BEND2: variants seen among roughly 807,000 people sequenced by gnomAD.
BEND2 encodes BEN domain containing 2.
A neutral mutation model predicts 43.8 loss-of-function variants in BEND2; 19 were observed. That is an observed-to-expected ratio of 0.43 (90% CI 0.30 to 0.64). BEND2 has a LOEUF of 0.64. Ranked by LOEUF, BEND2 falls within the 30% of genes least tolerant of loss-of-function variation. BEND2 has a pLI of 0.11. For missense variants in BEND2, 544 were observed against 574.0 expected (o/e 0.95, Z 0.53); for synonymous variants, 226 against 210.1 (o/e 1.08, Z -0.66).
intron 8 of BEND2, among the ~76,000 whole-genome samples, chrX:18,183,042 CAAAAAAAA>C (rs56812732): frequency 2.5e-5 from 1 of 40,789 alleles, no homozygotes; most frequent in African/African-American, 1.1e-4. Flanking sequence ...ACTCTGTCTC[CAAAAAAAA>C]AAAAAAAAAA....
chrX:18,220,207 G>T (rs1275690323), intron 1 of BEND2, among the ~76,000 whole-genome samples: 1 of 112,290 alleles, frequency 8.9e-6, no homozygotes, highest in Middle Eastern at 4.2e-3. Flanking sequence ...ATGCCAAAAC[G>T]CTGAACAGGG....
At chrX:18,200,051 A>C (rs769806332) in intron 6 of BEND2, among the ~76,000 whole-genome samples, 37 of 111,985 alleles carry the variant, frequency 3.3e-4, no homozygotes, top group Admixed American at 5.7e-4. Flanking sequence ...AGAGAAATGA[A>C]AACTTATATT....
rs755321017 is a variant in BEND2 at position 18,176,029 on chromosome X, A to G, written c.1695T>C (p.Cys565=). The G allele has an allele frequency of 2.5e-6, 3 of 1,199,437 alleles. No individual in the cohort carries two copies. Among genetic ancestry groups the G allele is most frequent in the East Asian group, 3.0e-5 (1 of 33,415 alleles). ...AGATCATAGAATTGATACCAGAAAT[A>G]CAGTCCTGCCAGTCTTTTCCATGTT... ...LHEHGKDWQD[C]ISGINSMIYC... Residue 565 remains cysteine (C), a synonymous_variant, in exon 11 of 14, where the codon TGT becomes TGC. Transcript: ENST00000380033.
chrX:18,218,610 C>T (rs1025016929), intron 1 of BEND2, among the ~76,000 whole-genome samples: 3 of 112,706 alleles, frequency 2.7e-5, no homozygotes, highest in Non-Finnish European at 5.6e-5. Context: ...CACTCGTAAT[C>T]CCCGCACTTT....
At chrX:18,207,808 CA>C (rs1569126602) in intron 4 of BEND2, among the ~76,000 whole-genome samples, 1 of 111,054 alleles carries the variant, frequency 9.0e-6, no homozygotes, top group East Asian at 2.9e-4. Context: ...CACCTGAGGT[CA>C]GGAGTTCGAG....
intron 9 of BEND2, among the ~76,000 whole-genome samples, chrX:18,178,590 G>C (rs1048685094): frequency 1.8e-5 from 2 of 110,112 alleles, no homozygotes; most frequent in African/African-American, 6.6e-5. Flanking sequence ...TATATTTTGA[G>C]CATTTCTCTG....
At chrX:18,219,778 C>T (rs1015711106) in intron 1 of BEND2, among the ~76,000 whole-genome samples, 9 of 111,397 alleles carry the variant, frequency 8.1e-5, no homozygotes, top group Non-Finnish European at 1.5e-4. Flanking sequence ...TGGTGGTGCA[C>T]GCCTGTAGTC....
At position 18,191,720 on chromosome X, in the gene BEND2, G is replaced by A. The variant is rs182076721; in HGVS notation, c.1181-612C>T. ...AAAAGAAGGAACCATTTGGGGGCTT[G>A]CCTGTGGTAGAGGATACATGAACCT... On this transcript the variant is annotated intron_variant, in intron 7 of 13. Coordinates refer to ENST00000380033, the MANE Select transcript of BEND2 (RefSeq NM_153346.5). 2.1e-3 allele frequency among the ~76,000 whole-genome samples: 235 copies of A among 112,035 alleles called. 1 individual carries two copies. The highest frequency in any genetic ancestry group is 7.1e-3 in the African/African-American group (221 of 30,933).
At chrX:18,207,963 G>T (rs1284095029) in intron 4 of BEND2, among the ~76,000 whole-genome samples, 3 of 109,082 alleles carry the variant, frequency 2.8e-5, no homozygotes, top group African/African-American at 1.0e-4. Context: ...AGGTTGCAGT[G>T]AGCTGAGATC....
At position 18,191,101 on chromosome X, in the gene BEND2, G is replaced by A; in HGVS notation, c.1188C>T (p.Gly396=). 1 of 1,195,734 alleles carries A rather than the reference G, an allele frequency of 8.4e-7. No individual in the cohort carries two copies. Among genetic ancestry groups the A allele is most frequent in the Non-Finnish European group, 1.1e-6 (1 of 885,411 alleles). ...YLPITSNFES[G]PQMSYGTMSY... The stretch of plus-strand genomic sequence containing the variant: ...TCATTGTCCCATAACTCATTTGTGG[G>A]CCAGATTCTGTTTTGAACAACATTT... The change falls in exon 8 of 14, where the codon GGC becomes GGT. Residue 396 remains glycine (G), a synonymous_variant. Coordinates refer to ENST00000380033, the MANE Select transcript of BEND2 (RefSeq NM_153346.5).
intron 9 of BEND2, among the ~76,000 whole-genome samples, chrX:18,178,323 T>C (rs1302694261): frequency 1.8e-5 from 2 of 111,485 alleles, no homozygotes; most frequent in Non-Finnish European, 3.8e-5. Flanking sequence ...AACAACTCTA[T>C]CATTACTCCC....
In BEND2 at chrX:18,163,874, T is replaced by C. The variant is rs1923755563; in HGVS notation, c.*1135A>G. On this transcript the variant is annotated 3_prime_UTR_variant, in exon 14 of 14. Transcript: ENST00000380033. Reference sequence around the variant, plus strand: ...GATTACTATTCTGTATTAGCTCTGTTACTAGTAGTTGTAAAAAACTTGTGA... The same window carrying C: ...GATTACTATTCTGTATTAGCTCTGTCACTAGTAGTTGTAAAAAACTTGTGA... 8.9e-6 allele frequency: 1 copy of C among 112,448 alleles called. No homozygotes were observed. The highest frequency in any genetic ancestry group is 3.7e-4 in the South Asian group (1 of 2,732). The allele number at this position is 112,448 out of a possible 1,213,427, so 9.3% of individuals were successfully genotyped here.
intron 4 of BEND2, among the ~76,000 whole-genome samples, chrX:18,209,541 T>G (rs1300361785): frequency 1.8e-5 from 2 of 111,980 alleles, no homozygotes; most frequent in African/African-American, 6.5e-5. Flanking sequence ...TCCCCCAATA[T>G]GATTCAATGA....
intron 8 of BEND2, among the ~76,000 whole-genome samples, chrX:18,185,324 T>C (rs1602035631): frequency 9.4e-6 from 1 of 106,072 alleles, no homozygotes; most frequent in African/African-American, 3.4e-5. Context: ...AGCTCAGGAG[T>C]TCAAGACCAG....
Position 18,220,761 on chromosome X carries a change from C to T in BEND2, c.-11G>A, listed in dbSNP as rs1410425055. On this transcript the variant is annotated 5_prime_UTR_variant, in exon 1 of 14. Transcript: ENST00000380033. ...GGTCCTCTCTGACATCGTGAGATGG[C>T]GGGGTCTGGCTCTGAGGCCCGAGAC... 8.3e-7 allele frequency: 1 copy of T among 1,205,484 alleles called. No homozygotes were observed. The highest frequency in any genetic ancestry group is 1.8e-5 in the African/African-American group (1 of 57,071).
chrX:18,191,097 G>A lies in BEND2; in HGVS notation c.1192C>T (p.Gln398Ter), dbSNP rs1383197989. 2 of 1,198,418 alleles carry A rather than the reference G, an allele frequency of 1.7e-6. No individual in the cohort carries two copies. The highest frequency in any genetic ancestry group is 1.1e-6 in the Non-Finnish European group (1 of 887,741). ...PITSNFESGP[Q>*]MSYGTMSYST... is the part of the protein sequence containing the mutation. The stretch of plus-strand genomic sequence containing the variant: ...TAACTCATTGTCCCATAACTCATTT[G>A]TGGGCCAGATTCTGTTTTGAACAAC... Residue 398 changes from glutamine (Q) to a stop codon, truncating the protein, a stop_gained, in exon 8 of 14, where the codon CAA becomes TAA. Coordinates refer to ENST00000380033, the MANE Select transcript of BEND2 (RefSeq NM_153346.5). LOFTEE classifies it high-confidence loss of function.
chrX:18,215,412 T>C (rs1447643790), intron 2 of BEND2, among the ~76,000 whole-genome samples: 1 of 112,300 alleles, frequency 8.9e-6, no homozygotes, highest in Admixed American at 9.5e-5. Context: ...AACAGATAAG[T>C]GGTATCAAAT....
intron 4 of BEND2, among the ~76,000 whole-genome samples, chrX:18,206,219 CA>C (rs1390385759): frequency 9.0e-6 from 1 of 111,231 alleles, no homozygotes; most frequent in Admixed American, 9.6e-5. Context: ...GGAGGCTAAG[CA>C]TGCACAGAAG....
intron 9 of BEND2, among the ~76,000 whole-genome samples, chrX:18,178,201 G>A (rs1176252116): frequency 1.8e-5 from 2 of 111,862 alleles, no homozygotes; most frequent in African/African-American, 6.5e-5. Flanking sequence ...TGAAAGCGTG[G>A]GTGGGGATCA....
Sources: gnomAD v4.1 joint callset for allele counts (sites outside exome capture counted in the v4.1 genomes callset) on GRCh38, gnomAD v4.1.1 for gene constraint, MANE v1.5 for transcripts, NCBI Gene and HGNC (gene_info 2026-07-23, HGNC 2026-07-21) for gene names.